NOX3: variants seen among roughly 807,000 people sequenced by gnomAD.
NOX3 encodes the protein NADPH oxidase catalytic subunit-like 3.
Under a neutral mutation model 76.7 loss-of-function variants are expected in NOX3, and 74 were observed. That is an observed-to-expected ratio of 0.96 (90% CI 0.80 to 1.17). The LOEUF is 1.17. Among genes scored for constraint, NOX3 ranks in the 50% most tolerant of loss-of-function variants. The pLI, the probability that NOX3 is intolerant of heterozygous loss-of-function variation, is 0.00. For missense variants in NOX3, 695 were observed against 703.3 expected (o/e 0.99, Z 0.13); for synonymous variants, 263 against 261.1 (o/e 1.01, Z -0.07).
chr6:155,443,026 A>T (rs80192727), intron 5 of NOX3, among the ~76,000 whole-genome samples: 1 of 152,022 alleles, frequency 6.6e-6, no homozygotes. Context: ...CTGCGTTTCT[A>T]GTGTGTGTGT....
chr6:155,434,512 C>T (rs1054840446), intron 7 of NOX3, among the ~76,000 whole-genome samples: 1 of 152,126 alleles, frequency 6.6e-6, no homozygotes, highest in Non-Finnish European at 1.5e-5. Context: ...TTGGACCGAG[C>T]AAAGGAATCC....
At chr6:155,450,333 A>C (rs982921409) in intron 4 of NOX3, among the ~76,000 whole-genome samples, 10 of 152,170 alleles carry the variant, frequency 6.6e-5, no homozygotes, top group Admixed American at 5.9e-4. Flanking sequence ...ACATTGTTTG[A>C]ATCTTTTCCC....
At chr6:155,434,893 A>G (rs992045741) in intron 7 of NOX3, among the ~76,000 whole-genome samples, 39 of 152,218 alleles carry the variant, frequency 2.6e-4, no homozygotes, top group African/African-American at 8.0e-4. Context: ...GAAATGATAC[A>G]TATTCTATTG....
intron 4 of NOX3, among the ~76,000 whole-genome samples, chr6:155,446,318 A>G (rs1777064454): frequency 6.6e-6 from 1 of 152,176 alleles, no homozygotes; most frequent in African/African-American, 2.4e-5. Context: ...TGCTAAATTG[A>G]ACACAAACAT....
chr6:155,407,705 G>C (rs1029021551), intron 11 of NOX3, among the ~76,000 whole-genome samples: 5 of 152,208 alleles, frequency 3.3e-5, no homozygotes, highest in African/African-American at 4.8e-5. Context: ...TGAAATGTCT[G>C]GGAAGAAACT....
At chr6:155,454,503 C>T (rs547820845) in intron 3 of NOX3, among the ~76,000 whole-genome samples, 1 of 152,316 alleles carries the variant, frequency 6.6e-6, no homozygotes, top group South Asian at 2.1e-4. Context: ...TATCTGTCTT[C>T]TTTCAGTCAG....
intron 5 of NOX3, 70 bp from the exon 6 acceptor site, chr6:155,440,207 A>AT: frequency 7.7e-7 from 1 of 1,301,578 alleles, no homozygotes. Context: ...ATATCCTGGC[A>AT]TATTTTTTTT....
intron 12 of NOX3, among the ~76,000 whole-genome samples, chr6:155,406,561 T>C (rs969053032): frequency 6.6e-6 from 1 of 152,256 alleles, no homozygotes; most frequent in East Asian, 1.9e-4. Context: ...GCCTCTTACA[T>C]GCATTCATTA....
chr6:155,448,185 C>T (rs1777089289), intron 4 of NOX3, among the ~76,000 whole-genome samples: 1 of 152,084 alleles, frequency 6.6e-6, no homozygotes, highest in Admixed American at 6.5e-5. Context: ...ACAAGGTTAT[C>T]TAAGCCCCCT....
At chr6:155,410,912 G>T (rs1280049622) in intron 11 of NOX3, among the ~76,000 whole-genome samples, 2 of 152,198 alleles carry the variant, frequency 1.3e-5, no homozygotes, top group Non-Finnish European at 2.9e-5. Flanking sequence ...TTCATTTGAT[G>T]TCACTTTTAA....
At position 155,440,063 on chromosome 6, in the gene NOX3, G is replaced by A; in HGVS notation, c.561C>T (p.Ile187=). 6.2e-7 allele frequency: 1 copy of A among 1,613,978 alleles called. No individual in the cohort carries two copies. Among genetic ancestry groups the A allele is most frequent in the Non-Finnish European group, 8.5e-7 (1 of 1,179,954 alleles). Residue 187 remains isoleucine, a synonymous_variant, in exon 6 of 14, where the codon ATC becomes ATT. Transcript: ENST00000159060. Reference sequence around the variant, plus strand: ...TGATGAACTCAGTTGACGAGGTCATGATCAAGACTAAAGCCAGAGAGATCA... The same window carrying A: ...TGATGAACTCAGTTGACGAGGTCATAATCAAGACTAAAGCCAGAGAGATCA... The part of the protein sequence containing the change: ...GLVISLALVL[I]MTSSTEFIRQ...
intron 10 of NOX3, among the ~76,000 whole-genome samples, chr6:155,417,650 GGAGTAGTCA>G (rs1429890194): frequency 4.6e-5 from 7 of 152,176 alleles, no homozygotes; most frequent in Non-Finnish European, 7.3e-5. Flanking sequence ...ATCAGTTCCA[GGAGTAGTCA>G]GAGCTCCAGT....
chr6:155,407,919 A>C (rs1776485277), intron 11 of NOX3, among the ~76,000 whole-genome samples: 1 of 152,140 alleles, frequency 6.6e-6, no homozygotes, highest in South Asian at 2.1e-4. Flanking sequence ...TGGTCAATAA[A>C]TGACAGCCCA....
At chr6:155,407,042 G>A (rs1776473269) in intron 12 of NOX3, 88 bp downstream of exon 12, 6 of 1,406,088 alleles carry the variant, frequency 4.3e-6, no homozygotes, top group South Asian at 2.4e-5. Flanking sequence ...GGAGATATAC[G>A]GTACTGCAGA....
intron 11 of NOX3, among the ~76,000 whole-genome samples, chr6:155,407,890 C>G (rs906155265): frequency 2.6e-5 from 4 of 152,226 alleles, no homozygotes; most frequent in African/African-American, 9.6e-5. Flanking sequence ...GCAACTCCAT[C>G]CAGGCGTCAT....
chr6:155,422,977 C>G (rs566852048), intron 9 of NOX3, 121 bp from the exon 10 acceptor site: 1 of 976,072 alleles, frequency 1.0e-6, no homozygotes, highest in Non-Finnish European at 1.5e-6. Flanking sequence ...GAGGTTGACT[C>G]TGTGCCTGAA....
At chr6:155,435,376 G>A (rs1562468052) in intron 7 of NOX3, among the ~76,000 whole-genome samples, 1 of 152,106 alleles carries the variant, frequency 6.6e-6, no homozygotes, top group Non-Finnish European at 1.5e-5. Flanking sequence ...TGGCTACTGA[G>A]AGTTGAGTTT....
At chr6:155,427,011 G>A (rs866971765) in intron 9 of NOX3, among the ~76,000 whole-genome samples, 4 of 145,092 alleles carry the variant, frequency 2.8e-5, no homozygotes, top group African/African-American at 5.2e-5. Context: ...GTGTGTGTGT[G>A]TGTGTGTGTG....
At chr6:155,452,659 G>A (rs1472706336) in intron 4 of NOX3, among the ~76,000 whole-genome samples, 2 of 151,658 alleles carry the variant, frequency 1.3e-5, no homozygotes, top group African/African-American at 4.8e-5. Flanking sequence ...ATGCATGAGA[G>A]GATAAAAACA....
Sources: gnomAD v4.1 joint callset for allele counts (sites outside exome capture counted in the v4.1 genomes callset) on GRCh38, gnomAD v4.1.1 for gene constraint, MANE v1.5 for transcripts, NCBI Gene and HGNC (gene_info 2026-07-23, HGNC 2026-07-21) for gene names.